NCOA2: variants seen among roughly 807,000 people sequenced by gnomAD.
NCOA2 encodes nuclear receptor coactivator 2.
NCOA2 carries 21 observed loss-of-function variants against 145.1 expected under a neutral mutation model. The ratio of observed to expected loss-of-function variants is 0.14; its 90% CI spans 0.10 to 0.21. The LOEUF is 0.21. NCOA2 is among the 10% of genes least tolerant of loss of function. NCOA2 has a pLI of 1.00. For synonymous variants in NCOA2, 619 were observed against 637.5 expected, an observed-to-expected ratio of 0.97 and a Z score of 0.44; for missense variants, 1,472 against 1,837.6, an observed-to-expected ratio of 0.80 and a Z score of 3.64.
chr8:70,210,542 T>C (rs995477102), intron 4 of NCOA2, among the ~76,000 whole-genome samples: 7 of 152,326 alleles, frequency 4.6e-5, no homozygotes, highest in Middle Eastern at 3.4e-3. Context: ...AACACGGGTC[T>C]CATAAAGCGC....
intron 12 of NCOA2, among the ~76,000 whole-genome samples, chr8:70,147,886 T>C (rs1811279701): frequency 6.6e-6 from 1 of 152,200 alleles, no homozygotes; most frequent in African/African-American, 2.4e-5. Flanking sequence ...TAGTGTATTA[T>C]CCCTAAAAAG....
At chr8:70,240,652 G>A (rs1307252963) in intron 2 of NCOA2, among the ~76,000 whole-genome samples, 1 of 152,156 alleles carries the variant, frequency 6.6e-6, no homozygotes, top group East Asian at 1.9e-4. Flanking sequence ...GTTAAGGCAG[G>A]AGTTACATTG....
At chr8:70,289,020 C>T (rs184117194) in intron 2 of NCOA2, among the ~76,000 whole-genome samples, 3 of 152,106 alleles carry the variant, frequency 2.0e-5, no homozygotes, top group Non-Finnish European at 4.4e-5. Context: ...CTCATCAAAC[C>T]AATTTGTCCA....
chr8:70,220,719 G>A (rs1341826094), intron 2 of NCOA2, among the ~76,000 whole-genome samples: 1 of 152,140 alleles, frequency 6.6e-6, no homozygotes, highest in Non-Finnish European at 1.5e-5. Context: ...AGGTAACAAA[G>A]CTGTTGCTCT....
Position 70,403,739 on chromosome 8 carries a change from C to T in NCOA2, c.-116G>A, listed in dbSNP as rs927660361. The T allele has an allele frequency of 5.0e-6, 2 of 397,320 alleles. No individual in the cohort carries two copies. Among genetic ancestry groups the T allele is most frequent in the African/African-American group, 2.1e-5 (1 of 48,548 alleles). 24.6% of individuals were successfully genotyped at this position (397,320 alleles called of 1,614,324 possible). A position where few individuals can be genotyped will look rare whatever the true frequency, so the allele number is the denominator to read the frequency against. ...CACGCCGTCAGGTGCCGGCTGCCGT[C>T]GGCGCTGACCTTCGCCGCCGAAGCT... is the stretch of plus-strand genomic sequence containing the variant. On this transcript the variant is annotated 5_prime_UTR_variant, in exon 1 of 23. Transcript: ENST00000452400.
chr8:70,403,545 G>A (rs1260175910), intron 1 of NCOA2, among the ~76,000 whole-genome samples, 155 bp downstream of exon 1: 10 of 150,552 alleles, frequency 6.6e-5, no homozygotes, highest in African/African-American at 2.4e-4. Flanking sequence ...CTCCGGCGGC[G>A]GTCCCCGCAC....
intron 2 of NCOA2, among the ~76,000 whole-genome samples, chr8:70,255,548 TAC>T (rs1229240749): frequency 6.6e-6 from 1 of 152,124 alleles, no homozygotes; most frequent in East Asian, 1.9e-4. Context: ...AAGACAAAAA[TAC>T]ACAGACACAA....
At chr8:70,428,620 CTAAAAA>C in the NCOA2 span, among the ~76,000 whole-genome samples, 1 of 151,950 alleles carries the variant, frequency 6.6e-6, no homozygotes, top group South Asian at 2.1e-4. Flanking sequence ...GAGACCATAT[CTAAAAA>C]TAAAAATAAA....
At chr8:70,134,075 G>A (rs1260119746) in intron 15 of NCOA2, among the ~76,000 whole-genome samples, 1 of 152,060 alleles carries the variant, frequency 6.6e-6, no homozygotes, top group Non-Finnish European at 1.5e-5. Context: ...TGTCACTACT[G>A]GGCTTCACAA....
intron 1 of NCOA2, among the ~76,000 whole-genome samples, chr8:70,388,007 C>T (rs1336412757): frequency 6.6e-6 from 1 of 152,196 alleles, no homozygotes; most frequent in East Asian, 1.9e-4. Flanking sequence ...GTCTTCCTAG[C>T]TGAGGTGCCA....
intron 1 of NCOA2, among the ~76,000 whole-genome samples, chr8:70,330,933 G>T (rs1172695720): frequency 6.6e-6 from 1 of 152,060 alleles, no homozygotes; most frequent in African/African-American, 2.4e-5. Context: ...AATAGATAAG[G>T]AATTAATATA....
intron 1 of NCOA2, among the ~76,000 whole-genome samples, chr8:70,310,592 T>C (rs1319060055): frequency 6.6e-6 from 1 of 152,160 alleles, no homozygotes; most frequent in East Asian, 1.9e-4. Flanking sequence ...AAAATATCTT[T>C]TAAAGATACA....
chr8:70,124,345 CCTTT>C (rs939595735), intron 20 of NCOA2, among the ~76,000 whole-genome samples: 52 of 151,832 alleles, frequency 3.4e-4, no homozygotes, highest in East Asian at 1.2e-3. Context: ...CTACCTGTCT[CCTTT>C]CTTTCTTTCT....
chr8:70,151,525 TG>T (rs1811748867), intron 11 of NCOA2, among the ~76,000 whole-genome samples: 1 of 152,152 alleles, frequency 6.6e-6, no homozygotes, highest in African/African-American at 2.4e-5. Flanking sequence ...CAACCTCAGA[TG>T]ATCTGCCTGC....
chr8:70,420,630 T>C, the NCOA2 span, among the ~76,000 whole-genome samples: 2 of 151,888 alleles, frequency 1.3e-5, no homozygotes, highest in South Asian at 2.1e-4. Context: ...GAGACAGAAG[T>C]GTTCTTTGTT....
chr8:70,128,108 G>A (rs1808649966), intron 18 of NCOA2, among the ~76,000 whole-genome samples: 1 of 152,234 alleles, frequency 6.6e-6, no homozygotes, highest in African/African-American at 2.4e-5. Context: ...ACTGGATGAT[G>A]ACAATGTTGT....
chr8:70,378,221 A>G (rs1240700144), intron 1 of NCOA2, among the ~76,000 whole-genome samples: 1 of 152,228 alleles, frequency 6.6e-6, no homozygotes, highest in African/African-American at 2.4e-5. Context: ...AGGTGGGAGG[A>G]CTGCATGAAG....
At chr8:70,289,132 T>G (rs1826474286) in intron 2 of NCOA2, among the ~76,000 whole-genome samples, 1 of 152,232 alleles carries the variant, frequency 6.6e-6, no homozygotes, top group African/African-American at 2.4e-5. Context: ...CAAAACTATC[T>G]TCTATTTTCA....
At chr8:70,231,260 G>A (rs932354392) in intron 2 of NCOA2, among the ~76,000 whole-genome samples, 17 of 152,300 alleles carry the variant, frequency 1.1e-4, no homozygotes, top group Admixed American at 5.9e-4. Flanking sequence ...AAAGATTATG[G>A]TGTGACACTG....
Sources: allele counts gnomAD v4.1 joint callset (sites outside exome capture counted in the v4.1 genomes callset), GRCh38; gene constraint gnomAD v4.1.1; transcripts MANE v1.5; gene names NCBI Gene and HGNC (gene_info 2026-07-23, HGNC 2026-07-21).